Variants in CPE observed in about 807,000 individuals in gnomAD.
CPE encodes carbocypeptidase E.
In CPE, 17 loss-of-function variants were observed where a neutral mutation model predicts 53.5. The observed-to-expected ratio is 0.32, with a 90% CI of 0.22 to 0.48. The LOEUF (loss-of-function observed/expected upper bound fraction) is 0.48, where lower values mean the gene tolerates loss of function less well. Among genes scored for constraint, CPE ranks in the 20% least tolerant of loss-of-function variants. The pLI, the probability that CPE is intolerant of heterozygous loss-of-function variation, is 0.99. For missense variants in CPE, 524 were observed against 614.7 expected, an observed-to-expected ratio of 0.85 and a Z score of 1.56; for synonymous variants, 226 against 228.8, an observed-to-expected ratio of 0.99 and a Z score of 0.11.
chr4:165,391,779 C>A (rs769079210), intron 1 of CPE, among the ~76,000 whole-genome samples: 2 of 152,016 alleles, frequency 1.3e-5, no homozygotes, highest in Non-Finnish European at 2.9e-5. Context: ...GAACAAGAAA[C>A]AACAGTATTT....
intron 6 of CPE, among the ~76,000 whole-genome samples, chr4:165,492,454 A>C (rs1732623387): frequency 1.3e-5 from 2 of 152,244 alleles, no homozygotes; most frequent in Admixed American, 1.3e-4. Flanking sequence ...GAGCAGGACG[A>C]GCTGCAGACA....
At chr4:165,419,700 T>C (rs1287539669) in intron 1 of CPE, among the ~76,000 whole-genome samples, 1 of 152,174 alleles carries the variant, frequency 6.6e-6, no homozygotes, top group Non-Finnish European at 1.5e-5. Flanking sequence ...CCATTGTCCA[T>C]TGACTCCTTG....
chr4:165,461,039 C>T (rs1408678926), intron 1 of CPE, among the ~76,000 whole-genome samples: 2 of 151,002 alleles, frequency 1.3e-5, no homozygotes, highest in African/African-American at 4.9e-5. Flanking sequence ...TGGTGGTGCA[C>T]ACCCATAGTC....
At chr4:165,480,132 TA>T (rs1467539437) in intron 3 of CPE, among the ~76,000 whole-genome samples, 1 of 152,186 alleles carries the variant, frequency 6.6e-6, no homozygotes, top group Non-Finnish European at 1.5e-5. Flanking sequence ...ATGCAAACTT[TA>T]AAAATTCTAT....
intron 1 of CPE, among the ~76,000 whole-genome samples, chr4:165,398,636 G>A (rs1381311744): frequency 2.0e-5 from 3 of 152,204 alleles, no homozygotes; most frequent in Non-Finnish European, 4.4e-5. Context: ...ATCATAGTTT[G>A]GAAGATCTGG....
At position 165,484,413 on chromosome 4, in the gene CPE, G is replaced by T; in HGVS notation, c.791-9G>T. On this transcript the variant is annotated splice_polypyrimidine_tract_variant and intron_variant, in intron 4 of 8. Transcript: ENST00000402744. Reference sequence around the variant, plus strand: ...TCTGTTTCTTTAATCTTGTGGATTTGTTTTCTAGGTAGTGCTCACGAATAC... The same window carrying T: ...TCTGTTTCTTTAATCTTGTGGATTTTTTTTCTAGGTAGTGCTCACGAATAC... The T allele has an allele frequency of 6.2e-7, 1 of 1,611,114 alleles. No homozygotes were observed. The highest frequency in any genetic ancestry group is 1.1e-5 in the South Asian group (1 of 90,806).
chr4:165,385,370 C>T (rs1305318202), intron 1 of CPE, among the ~76,000 whole-genome samples: 2 of 151,578 alleles, frequency 1.3e-5, no homozygotes, highest in Non-Finnish European at 2.9e-5. Flanking sequence ...GATGCTGTTG[C>T]ACAGGCTTAG....
intron 1 of CPE, among the ~76,000 whole-genome samples, chr4:165,436,763 T>C (rs1248393160): frequency 6.6e-6 from 1 of 152,164 alleles, no homozygotes; most frequent in East Asian, 1.9e-4. Context: ...CCCAGCCTCC[T>C]GTGTAGCTGA....
chr4:165,494,992 T>G (rs986000921), intron 7 of CPE, among the ~76,000 whole-genome samples: 1 of 152,206 alleles, frequency 6.6e-6, no homozygotes, highest in Non-Finnish European at 1.5e-5. Context: ...ACCTGGGAGC[T>G]GGAATCAGAT....
chr4:165,407,832 A>G (rs1002423584), intron 1 of CPE, among the ~76,000 whole-genome samples: 51 of 150,526 alleles, frequency 3.4e-4, no homozygotes, highest in Admixed American at 3.0e-3. Flanking sequence ...TTGGGATTAT[A>G]GGCATGAGCC....
At chr4:165,398,051 T>TAAA (rs397955897) in intron 1 of CPE, among the ~76,000 whole-genome samples, 20 of 92,218 alleles carry the variant, frequency 2.2e-4, no homozygotes, top group African/African-American at 5.0e-4. Context: ...TCCTCATTTC[T>TAAA]AAAAAAAAAA....
At chr4:165,471,560 C>T (rs569822263) in intron 3 of CPE, among the ~76,000 whole-genome samples, 1 of 152,250 alleles carries the variant, frequency 6.6e-6, no homozygotes, top group African/African-American at 2.4e-5. Flanking sequence ...CATATAGGCT[C>T]CTTTTTAAAT....
intron 1 of CPE, among the ~76,000 whole-genome samples, chr4:165,428,958 C>T (rs66672542): frequency 0.3 from 44,816 of 151,722 alleles, 6,752 homozygotes; most frequent in Middle Eastern, 0.39. Context: ...GGGATTAGGG[C>T]ATGGATATCT....
intron 1 of CPE, among the ~76,000 whole-genome samples, chr4:165,400,081 G>A (rs1038265982): frequency 6.6e-6 from 1 of 152,202 alleles, no homozygotes; most frequent in Non-Finnish European, 1.5e-5. Context: ...GACTTCATTT[G>A]TTTGGGAGTT....
intron 1 of CPE, among the ~76,000 whole-genome samples, chr4:165,401,379 A>C (rs60049314): frequency 6.6e-6 from 1 of 152,198 alleles, no homozygotes; most frequent in African/African-American, 2.4e-5. Context: ...CACTTTTACT[A>C]TAAGTGATAG....
At chr4:165,439,753 C>T (rs934349391) in intron 1 of CPE, among the ~76,000 whole-genome samples, 3 of 151,962 alleles carry the variant, frequency 2.0e-5, no homozygotes, top group South Asian at 4.1e-4. Flanking sequence ...CTAGACATTT[C>T]TATATATAAA....
At chr4:165,432,669 C>G (rs761721422) in intron 1 of CPE, among the ~76,000 whole-genome samples, 1 of 152,082 alleles carries the variant, frequency 6.6e-6, no homozygotes, top group Non-Finnish European at 1.5e-5. Flanking sequence ...TGTGAGTATC[C>G]TCCTTTTCCC....
intron 1 of CPE, chr4:165,404,572 T>C: frequency 1.1e-5 from 11 of 994,966 alleles, no homozygotes; most frequent in Middle Eastern, 2.1e-4. Context: ...CATGTTTCGC[T>C]ACATCCACGC....
chr4:165,465,312 T>C (rs1732077366), intron 2 of CPE, among the ~76,000 whole-genome samples: 1 of 152,128 alleles, frequency 6.6e-6, no homozygotes, highest in African/African-American at 2.4e-5. Flanking sequence ...AGCTAAAAAA[T>C]CCAATGACAT....
Sources: gnomAD v4.1 joint callset for allele counts (sites outside exome capture counted in the v4.1 genomes callset) on GRCh38, gnomAD v4.1.1 for gene constraint, MANE v1.5 for transcripts, NCBI Gene and HGNC (gene_info 2026-07-23, HGNC 2026-07-21) for gene names.